FBXL7: variants seen among roughly 807,000 people sequenced by gnomAD.
The protein encoded by FBXL7 is F-box and leucine rich repeat protein 7.
In FBXL7, 12 loss-of-function variants were observed where a neutral mutation model predicts 38.3. The observed-to-expected ratio is 0.31, with a 90% confidence interval of 0.20 to 0.51. The LOEUF (loss-of-function observed/expected upper bound fraction) is 0.51, where lower values mean the gene tolerates loss of function less well. Among genes scored for constraint, FBXL7 ranks in the 20% least tolerant of loss-of-function variants. FBXL7 has a pLI of 0.98. For synonymous variants in FBXL7, 297 were observed against 300.9 expected, an observed-to-expected ratio of 0.99 and a Z score of 0.13; for missense variants, 567 against 676.4, an observed-to-expected ratio of 0.84 and a Z score of 1.79.
chr5:15,857,402 C>T (rs1311919706), intron 2 of FBXL7, among the ~76,000 whole-genome samples: 1 of 152,184 alleles, frequency 6.6e-6, no homozygotes, highest in African/African-American at 2.4e-5. Flanking sequence ...CTGAGGAACA[C>T]AGAGAGAGCC....
At chr5:15,703,849 G>A (rs1174124733) in intron 2 of FBXL7, among the ~76,000 whole-genome samples, 3 of 152,118 alleles carry the variant, frequency 2.0e-5, no homozygotes, top group Non-Finnish European at 4.4e-5. Flanking sequence ...AAAGCACATA[G>A]CATTAATGAA....
intron 2 of FBXL7, among the ~76,000 whole-genome samples, chr5:15,676,551 T>G (rs1742661385): frequency 6.6e-6 from 1 of 152,240 alleles, no homozygotes; most frequent in Non-Finnish European, 1.5e-5. Flanking sequence ...AGTGGCTATC[T>G]CAGACAGTTT....
Position 15,897,816 on chromosome 5 carries a change from G to A in FBXL7, c.128-30074G>A, listed in dbSNP as rs557753293. ...TTCAGCAGGCAATGCAAGATGTTGC[G>A]TAAGGGATCAGTGGATGGATAGCAG... On this transcript the variant is annotated intron_variant, in intron 2 of 3. Coordinates refer to ENST00000504595, the MANE Select transcript of FBXL7 (RefSeq NM_012304.5). Among the ~76,000 whole-genome samples the A allele has an allele frequency of 1.6e-4, 25 of 152,286 alleles. 1 individual carries two copies. Among genetic ancestry groups the A allele is most frequent in the East Asian group, 7.7e-4 (4 of 5,168 alleles).
rs182451738 is a variant in FBXL7 at position 15,864,925 on chromosome 5, A to C, written c.128-62965A>C. Among the ~76,000 whole-genome samples the C allele has an allele frequency of 7.9e-5, 12 of 152,312 alleles. No individual in the cohort carries two copies. The East Asian group carries it at 2.1e-3, about 27-fold the overall frequency. On this transcript the variant is annotated intron_variant, in intron 2 of 3. Coordinates refer to ENST00000504595, the MANE Select transcript of FBXL7 (RefSeq NM_012304.5). ...TGGAGTCTATTGGCTGCTGCAGATA[A>C]AAAGGTCTGGTATTGTCTTCCTTTA... is the stretch of plus-strand genomic sequence containing the variant.
chr5:15,856,673 G>C lies in FBXL7; in HGVS notation c.128-71217G>C, dbSNP rs556314028. The stretch of plus-strand genomic sequence containing the variant: ...CACATGTTTTTAAAATCTGTTTTCT[G>C]TCCATATTCTAAGATACACATGTAT... On this transcript the variant is annotated intron_variant, in intron 2 of 3. Transcript: ENST00000504595. 8.4e-4 allele frequency among the ~76,000 whole-genome samples: 128 copies of C among 151,978 alleles called. 1 individual carries two copies. Among genetic ancestry groups the C allele is most frequent in the African/African-American group, 3.1e-3 (128 of 41,458 alleles).
At chr5:15,904,873 T>C (rs1368552963) in intron 2 of FBXL7, among the ~76,000 whole-genome samples, 1 of 152,158 alleles carries the variant, frequency 6.6e-6, no homozygotes, top group African/African-American at 2.4e-5. Context: ...GATGTTACCA[T>C]ACTAGGATAC....
intron 2 of FBXL7, among the ~76,000 whole-genome samples, chr5:15,814,128 A>G (rs1346230039): frequency 2.0e-5 from 3 of 152,164 alleles, no homozygotes; most frequent in South Asian, 2.1e-4. Context: ...ACATGCACAC[A>G]TATGTTTATT....
intron 2 of FBXL7, among the ~76,000 whole-genome samples, chr5:15,618,977 C>T (rs779021280): frequency 1.3e-5 from 2 of 152,172 alleles, no homozygotes; most frequent in Non-Finnish European, 2.9e-5. Context: ...CTCAAGCAGG[C>T]ACCTGAAAAT....
At chr5:15,786,381 T>C (rs1337743274) in intron 2 of FBXL7, among the ~76,000 whole-genome samples, 1 of 151,356 alleles carries the variant, frequency 6.6e-6, no homozygotes, top group East Asian at 2.0e-4. Context: ...GGTCTACCAC[T>C]GCCTGGATTT....
At chr5:15,670,007 C>T (rs1389348492) in intron 2 of FBXL7, among the ~76,000 whole-genome samples, 1 of 152,068 alleles carries the variant, frequency 6.6e-6, no homozygotes, top group Non-Finnish European at 1.5e-5. Context: ...TTTTTCTCTG[C>T]CACAAAGACC....
chr5:15,609,725 C>T (rs1280281905), intron 1 of FBXL7, among the ~76,000 whole-genome samples: 4 of 152,196 alleles, frequency 2.6e-5, no homozygotes, highest in East Asian at 1.9e-4. Context: ...GCGAAGACTG[C>T]CCTGAGCTGG....
intron 1 of FBXL7, among the ~76,000 whole-genome samples, chr5:15,588,376 A>G (rs1342913627): frequency 2.7e-5 from 4 of 150,016 alleles, no homozygotes; most frequent in Non-Finnish European, 5.9e-5. Context: ...GGCAAAAGCT[A>G]TGTTGTAATT....
Position 15,759,711 on chromosome 5 carries a change from CATTT to C in FBXL7, c.127+143644_127+143647del, listed in dbSNP as rs1406842587. ...ATAGATGTTCATTCATGCATTCATT[CATTT>C]ATTTTTTGTTCAGAAAATGTTTATC... On this transcript the variant is annotated intron_variant, in intron 2 of 3. Coordinates refer to ENST00000504595, the MANE Select transcript of FBXL7 (RefSeq NM_012304.5). Among the ~76,000 whole-genome samples, 8 of 152,188 alleles carry C rather than the reference CATTT, an allele frequency of 5.3e-5. No individual in the cohort carries two copies. In the East Asian group the frequency reaches 1.4e-3, roughly 26 times the overall value.
At chr5:15,901,935 A>G (rs1406270961) in intron 2 of FBXL7, among the ~76,000 whole-genome samples, 3 of 152,202 alleles carry the variant, frequency 2.0e-5, no homozygotes, top group Non-Finnish European at 4.4e-5. Context: ...GCATCCTTCA[A>G]CATTTAACTT....
At position 15,706,365 on chromosome 5, in the gene FBXL7, C is replaced by T. The variant is rs146717532; in HGVS notation, c.127+90293C>T. ...TGCCTTCTCCCCCTTTGCTTTCCAC[C>T]GTGATTGTAGAAGCTCCCTGAGGCC... On this transcript the variant is annotated intron_variant, in intron 2 of 3. Transcript: ENST00000504595. 2.7e-3 allele frequency among the ~76,000 whole-genome samples: 415 copies of T among 152,232 alleles called. 2 individuals carry two copies. The highest frequency in any genetic ancestry group is 9.6e-3 in the African/African-American group (397 of 41,536).
At chr5:15,524,166 C>T (rs907873578) in intron 1 of FBXL7, among the ~76,000 whole-genome samples, 1 of 152,050 alleles carries the variant, frequency 6.6e-6, no homozygotes, top group Non-Finnish European at 1.5e-5. Context: ...GAAGCATGTG[C>T]GTATAGTGGC....
At chr5:15,787,924 C>G (rs1737172503) in intron 2 of FBXL7, among the ~76,000 whole-genome samples, 1 of 151,996 alleles carries the variant, frequency 6.6e-6, no homozygotes, top group Non-Finnish European at 1.5e-5. Flanking sequence ...AAATGTATTT[C>G]TCACAGTTCT....
At chr5:15,657,437 A>T (rs141688156) in intron 2 of FBXL7, among the ~76,000 whole-genome samples, 1 of 152,338 alleles carries the variant, frequency 6.6e-6, no homozygotes, top group Admixed American at 6.5e-5. Flanking sequence ...AATCGAGATA[A>T]TTTAGCATAT....
chr5:15,913,304 C>T (rs759849078), intron 2 of FBXL7, among the ~76,000 whole-genome samples: 7 of 147,048 alleles, frequency 4.8e-5, no homozygotes, highest in Non-Finnish European at 1.0e-4. Context: ...TTTTAGGGTA[C>T]ATGTGCACAT....
Sources: allele counts gnomAD v4.1 joint callset (sites outside exome capture counted in the v4.1 genomes callset), GRCh38; gene constraint gnomAD v4.1.1; transcripts MANE v1.5; gene names NCBI Gene and HGNC (gene_info 2026-07-23, HGNC 2026-07-21).